ZCCHC14: variants seen among roughly 807,000 people sequenced by gnomAD.
ZCCHC14 encodes the protein zinc finger CCHC domain-containing protein 14.
ZCCHC14 carries 16 observed loss-of-function variants against 85.0 expected under a neutral mutation model. The ratio of observed to expected loss-of-function variants is 0.19; its 90% CI spans 0.13 to 0.29. The LOEUF is 0.29. Ranked by LOEUF, ZCCHC14 falls within the 10% of genes least tolerant of loss-of-function variation. The pLI is 1.00. For synonymous variants in ZCCHC14, 775 were observed against 630.7 expected (o/e 1.23, Z -3.43); for missense variants, 1,303 against 1,443.5 (o/e 0.90, Z 1.58).
At position 87,409,908 on chromosome 16, in the gene ZCCHC14, C is replaced by A. The variant is rs1345045020; in HGVS notation, c.*372G>T. On this transcript the variant is annotated 3_prime_UTR_variant, in exon 13 of 13. Transcript: ENST00000671377. ...CGGGTGGAACTCCACTTGGAGAACT[C>A]CAAGCTCGGTTCTCGATTCAGACCA... is the stretch of plus-strand genomic sequence containing the variant. 1 of 172,650 alleles carries A rather than the reference C, an allele frequency of 5.8e-6. No homozygotes were observed. The highest frequency in any genetic ancestry group is 1.2e-5 in the Non-Finnish European group (1 of 81,548). 10.7% of individuals were successfully genotyped at this position (172,650 alleles called of 1,614,324 possible). A position where few individuals can be genotyped will look rare whatever the true frequency, so the allele number is the denominator to read the frequency against.
intron 1 of ZCCHC14, among the ~76,000 whole-genome samples, chr16:87,489,695 C>A (rs1249341631): frequency 3.3e-5 from 5 of 152,132 alleles, no homozygotes; most frequent in Non-Finnish European, 7.4e-5. Context: ...GGGGGAGGTG[C>A]AGGGGTGAGC....
chr16:87,483,178 C>T lies in ZCCHC14; in HGVS notation c.570+8491G>A, dbSNP rs569187512. 9.9e-5 allele frequency among the ~76,000 whole-genome samples: 15 copies of T among 151,900 alleles called. No homozygotes were observed. In the South Asian group the frequency reaches 3.1e-3, roughly 32 times the overall value. On this transcript the variant is annotated intron_variant, in intron 1 of 12. Coordinates refer to ENST00000671377, the MANE Select transcript of ZCCHC14 (RefSeq NM_015144.3). ...GAGTTTCTAAAAACTAAGAACCCAG[C>T]CAGGCGCAGTGGCTCACACCTGGAA...
chr16:87,469,804 T>C (rs77035714), intron 1 of ZCCHC14, among the ~76,000 whole-genome samples: 11,482 of 152,192 alleles, frequency 0.075, 614 homozygotes, highest in South Asian at 0.18. Context: ...GCTGCACCCC[T>C]GTGGGCAGCA....
chr16:87,476,787 C>T (rs145205325), intron 1 of ZCCHC14, among the ~76,000 whole-genome samples: 1,650 of 151,766 alleles, frequency 0.011, 32 homozygotes, highest in African/African-American at 0.038. Flanking sequence ...TCTGGGCTGA[C>T]GGTCATACCG....
intron 2 of ZCCHC14, among the ~76,000 whole-genome samples, chr16:87,440,323 C>T (rs1440710451): frequency 3.3e-5 from 5 of 152,170 alleles, no homozygotes; most frequent in Non-Finnish European, 7.4e-5. Context: ...CACCACCACG[C>T]CTGGCTAATT....
chr16:87,412,730 G>C lies in ZCCHC14; in HGVS notation c.1991C>G (p.Ser664Trp). 1 of 1,614,228 alleles carries C rather than the reference G, an allele frequency of 6.2e-7. No individual in the cohort carries two copies. Residue 664 changes from serine (S) to tryptophan (W), a missense_variant, in exon 12 of 13, where the codon TCG becomes TGG. Around this residue, in one of 7 missense-constraint regions of ZCCHC14, gnomAD observed 797 missense variants for 730.8 expected, o/e 1.09. Coordinates refer to ENST00000671377, the MANE Select transcript of ZCCHC14 (RefSeq NM_015144.3). ...ERGSADMKLLSSSVHSLLSLE... is the reference protein window; with the variant it reads ...ERGSADMKLLWSSVHSLLSLE... The stretch of plus-strand genomic sequence containing the variant: ...AGACAAAAGTGAGTGCACAGAAGAC[G>C]AGAGGAGCTTCATGTCCGCGCTCCC...
chr16:87,423,283 C>T (rs937698224), intron 4 of ZCCHC14, among the ~76,000 whole-genome samples: 3 of 152,216 alleles, frequency 2.0e-5, no homozygotes, highest in Non-Finnish European at 2.9e-5. Context: ...TAAAGATAAA[C>T]GTGGGAGGAC....
chr16:87,458,100 G>A (rs1192937432), intron 2 of ZCCHC14, among the ~76,000 whole-genome samples: 14 of 144,842 alleles, frequency 9.7e-5, no homozygotes, highest in Non-Finnish European at 7.6e-5. Flanking sequence ...AAATTATACA[G>A]AAAAAAAAAA....
At chr16:87,411,253 G>A (rs374190354) in intron 12 of ZCCHC14, among the ~76,000 whole-genome samples, 7 of 152,304 alleles carry the variant, frequency 4.6e-5, no homozygotes, top group African/African-American at 9.6e-5. Context: ...ATCAGGACAC[G>A]GCAGTCCAGG....
intron 3 of ZCCHC14, among the ~76,000 whole-genome samples, chr16:87,429,491 T>C (rs760272384): frequency 6.6e-6 from 1 of 152,058 alleles, no homozygotes; most frequent in Non-Finnish European, 1.5e-5. Flanking sequence ...TCTCAAAACT[T>C]AGTAAGAAGC....
chr16:87,438,714 T>G lies in ZCCHC14; in HGVS notation c.695-5513A>C, dbSNP rs550949739. On this transcript the variant is annotated intron_variant, in intron 2 of 12. Coordinates refer to ENST00000671377, the MANE Select transcript of ZCCHC14 (RefSeq NM_015144.3). ...CCTGCTGGGGCATTCACACGAGGCC[T>G]GGGCCCACGGTCAGCACTGCCCCCG... Among the ~76,000 whole-genome samples the G allele has an allele frequency of 2.8e-4, 43 of 152,320 alleles. 1 individual carries two copies. In the South Asian group the frequency reaches 8.7e-3, roughly 31 times the overall value.
intron 1 of ZCCHC14, among the ~76,000 whole-genome samples, chr16:87,480,402 CA>C (rs1053620817): frequency 2.7e-5 from 4 of 150,096 alleles, no homozygotes; most frequent in Non-Finnish European, 5.9e-5. Context: ...GACACTGTCT[CA>C]AAAAAAATAA....
At chr16:87,422,687 G>T (rs1780706321) in intron 4 of ZCCHC14, among the ~76,000 whole-genome samples, 1 of 151,688 alleles carries the variant, frequency 6.6e-6, no homozygotes, top group Non-Finnish European at 1.5e-5. Flanking sequence ...AGTGAGCCAA[G>T]ATCATACCAC....
intron 2 of ZCCHC14, among the ~76,000 whole-genome samples, chr16:87,459,203 G>C (rs917422572): frequency 6.6e-6 from 1 of 152,202 alleles, no homozygotes; most frequent in African/African-American, 2.4e-5. Context: ...TGCGCGGAAG[G>C]CACGTGTGGC....
At chr16:87,432,033 T>G (rs75789928) in intron 3 of ZCCHC14, among the ~76,000 whole-genome samples, 2,530 of 152,286 alleles carry the variant, frequency 0.017, 25 homozygotes, top group Middle Eastern at 0.044. Context: ...CCAAACCAAG[T>G]GGAGACTTGT....
At chr16:87,483,716 A>G (rs1371341606) in intron 1 of ZCCHC14, among the ~76,000 whole-genome samples, 1 of 152,206 alleles carries the variant, frequency 6.6e-6, no homozygotes, top group Non-Finnish European at 1.5e-5. Context: ...TTAGGGAAAC[A>G]GGCCTTGTAT....
At chr16:87,433,978 T>C (rs572741443) in intron 2 of ZCCHC14, among the ~76,000 whole-genome samples, 2 of 152,148 alleles carry the variant, frequency 1.3e-5, no homozygotes, top group Non-Finnish European at 2.9e-5. Flanking sequence ...CATCCTTCTC[T>C]GCGAGGGCAA....
intron 3 of ZCCHC14, among the ~76,000 whole-genome samples, chr16:87,429,614 CT>C (rs901704266): frequency 5.3e-5 from 8 of 151,628 alleles, no homozygotes; most frequent in African/African-American, 1.2e-4. Context: ...GACACTATCT[CT>C]TTTTTTTTCC....
chr16:87,469,347 G>C (rs1911674888), intron 1 of ZCCHC14, among the ~76,000 whole-genome samples: 1 of 152,244 alleles, frequency 6.6e-6, no homozygotes, highest in African/African-American at 2.4e-5. Flanking sequence ...CTGAATGTCA[G>C]TTCCTAAATG....
Sources: gnomAD v4.1 joint callset for allele counts (sites outside exome capture counted in the v4.1 genomes callset) on GRCh38, gnomAD v4.1.1 for gene constraint, gnomAD v4.1.1 regional missense constraint, MANE v1.5 for transcripts, NCBI Gene and HGNC (gene_info 2026-07-23, HGNC 2026-07-21) for gene names.